LMBR1: variants seen among roughly 807,000 people sequenced by gnomAD.
LMBR1 encodes limb region 1 protein homolog.
LMBR1 carries 52 observed loss-of-function variants against 73.9 expected under a neutral mutation model. That is an observed-to-expected ratio of 0.70 (90% CI 0.56 to 0.89). LMBR1 has a LOEUF of 0.89. Among genes scored for constraint, LMBR1 ranks in the 40% least tolerant of loss-of-function variants. The pLI, the probability that LMBR1 is intolerant of heterozygous loss-of-function variation, is 0.00. For missense variants in LMBR1, 539 were observed against 579.8 expected (o/e 0.93, Z 0.72); for synonymous variants, 215 against 209.4 (o/e 1.03, Z -0.23).
Position 156,707,360 on chromosome 7 carries a change from G to A in LMBR1, c.1225+16752C>T, listed in dbSNP as rs60009529. Among the ~76,000 whole-genome samples, 917 of 152,278 alleles carry A rather than the reference G, an allele frequency of 6.0e-3. 21 individuals are homozygous for A. In the South Asian group the frequency reaches 0.079, roughly 13 times the overall value. ...GAAACTGTTCCCAAAAACTGAGGCG[G>A]AGGGAATTCTTCCTAAGTCATTCTA... On this transcript the variant is annotated intron_variant, in intron 15 of 16. Coordinates refer to ENST00000353442, the MANE Select transcript of LMBR1 (RefSeq NM_022458.4).
intron 1 of LMBR1, among the ~76,000 whole-genome samples, chr7:156,869,931 C>A (rs1291799045): frequency 6.6e-6 from 1 of 151,672 alleles, no homozygotes; most frequent in Non-Finnish European, 1.5e-5. Flanking sequence ...TTTTTGTTTA[C>A]AAAGGACAGA....
rs531053092 is a variant in LMBR1 at position 156,718,299 on chromosome 7, C to T, written c.1225+5813G>A. ...CCTGTAATCCCAGGTACTTGCGAGG[C>T]TGAGGCAGGAGAATCACTTGAACCC... On this transcript the variant is annotated intron_variant, in intron 15 of 16. Coordinates refer to ENST00000353442, the MANE Select transcript of LMBR1 (RefSeq NM_022458.4). Among the ~76,000 whole-genome samples, 8 of 151,566 alleles carry T rather than the reference C, an allele frequency of 5.3e-5. No homozygotes were observed. In the South Asian group the frequency reaches 1.3e-3, roughly 24 times the overall value.
At chr7:156,763,239 C>T (rs1403722979) in intron 6 of LMBR1, 63 bp from the exon 7 acceptor site, 1 of 695,740 alleles carries the variant, frequency 1.4e-6, no homozygotes, top group Non-Finnish European at 2.4e-6. Context: ...GATAGTCAGT[C>T]TATCTTACGA....
At chr7:156,675,990 A>T (rs1803888445), downstream of LMBR1, 2 of 968,746 alleles carry the variant, frequency 2.1e-6, no homozygotes, top group Non-Finnish European at 3.0e-6. Context: ...CCCGGGGTGC[A>T]GCCGTGGAGG....
At chr7:156,820,513 C>A (rs1834596249) in intron 4 of LMBR1, among the ~76,000 whole-genome samples, 1 of 152,098 alleles carries the variant, frequency 6.6e-6, no homozygotes, top group Non-Finnish European at 1.5e-5. Flanking sequence ...ATTGGTAAGA[C>A]ATTTGTGTGT....
chr7:156,707,811 A>C (rs923716005), intron 15 of LMBR1, among the ~76,000 whole-genome samples: 1 of 152,178 alleles, frequency 6.6e-6, no homozygotes, highest in African/African-American at 2.4e-5. Context: ...CTCCTATTCA[A>C]CAGAGTACTG....
intron 3 of LMBR1, among the ~76,000 whole-genome samples, chr7:156,827,421 A>G (rs1835888389): frequency 6.6e-6 from 1 of 152,106 alleles, no homozygotes; most frequent in Admixed American, 6.6e-5. Context: ...AATGTAAAAC[A>G]TGTTCTCCCC....
chr7:156,718,122 A>G (rs761225164), intron 15 of LMBR1, among the ~76,000 whole-genome samples: 172 of 152,298 alleles, frequency 1.1e-3, no homozygotes, highest in Non-Finnish European at 2.1e-3. Flanking sequence ...CAGCCTGGCT[A>G]GGCACGGTGG....
chr7:156,741,609 T>C (rs1212790029), intron 9 of LMBR1, among the ~76,000 whole-genome samples: 3 of 152,166 alleles, frequency 2.0e-5, no homozygotes, highest in South Asian at 2.1e-4. Flanking sequence ...GGTATAACAA[T>C]TGTAAAGATA....
At chr7:156,861,819 C>T (rs759853459) in intron 1 of LMBR1, among the ~76,000 whole-genome samples, 6 of 152,180 alleles carry the variant, frequency 3.9e-5, no homozygotes, top group Non-Finnish European at 8.8e-5. Context: ...CACCTTTGCT[C>T]CACTTCCCAA....
chr7:156,774,776 G>A (rs964830582), intron 5 of LMBR1, among the ~76,000 whole-genome samples: 23 of 152,124 alleles, frequency 1.5e-4, no homozygotes, highest in Admixed American at 4.6e-4. Flanking sequence ...AGGTTGCAGT[G>A]AGCCAAGATT....
At chr7:156,724,840 A>G (rs1212735497) in intron 14 of LMBR1, among the ~76,000 whole-genome samples, 2 of 151,894 alleles carry the variant, frequency 1.3e-5, no homozygotes, top group Non-Finnish European at 2.9e-5. Context: ...TAGGCTAAAA[A>G]TATAAAATAA....
chr7:156,856,194 C>CAATA (rs1437630645), intron 1 of LMBR1, among the ~76,000 whole-genome samples: 1 of 150,600 alleles, frequency 6.6e-6, no homozygotes, highest in Non-Finnish European at 1.5e-5. Context: ...GACTCTGTCT[C>CAATA]AATAAATAAA....
chr7:156,810,737 A>C (rs947468771), intron 4 of LMBR1, among the ~76,000 whole-genome samples: 1 of 152,006 alleles, frequency 6.6e-6, no homozygotes, highest in South Asian at 2.1e-4. Context: ...ATAAACATCC[A>C]AACTACAGCA....
At chr7:156,811,130 T>G (rs1205589969) in intron 4 of LMBR1, among the ~76,000 whole-genome samples, 1 of 152,166 alleles carries the variant, frequency 6.6e-6, no homozygotes, top group African/African-American at 2.4e-5. Context: ...AATAGTTTTC[T>G]ATTGCTATGT....
chr7:156,714,618 G>A (rs1014268354), intron 15 of LMBR1, among the ~76,000 whole-genome samples: 3 of 152,284 alleles, frequency 2.0e-5, no homozygotes, highest in Middle Eastern at 6.8e-3. Context: ...TTGGAGCAGG[G>A]AAATGACAAG....
At chr7:156,850,978 T>G (rs1191404625) in intron 1 of LMBR1, among the ~76,000 whole-genome samples, 1 of 152,120 alleles carries the variant, frequency 6.6e-6, no homozygotes, top group Non-Finnish European at 1.5e-5. Flanking sequence ...TTAAGGACTT[T>G]GGCACCTCCT....
At chr7:156,835,253 CAG>C (rs1164262407) in intron 2 of LMBR1, among the ~76,000 whole-genome samples, 3,052 of 152,336 alleles carry the variant, frequency 0.02, 106 homozygotes, top group African/African-American at 0.069. Flanking sequence ...CCATCTGCTT[CAG>C]TGTCAAGGGT....
chr7:156,851,235 C>T (rs2134077807), intron 1 of LMBR1, among the ~76,000 whole-genome samples: 1 of 152,240 alleles, frequency 6.6e-6, no homozygotes. Context: ...GAGAAGTAAA[C>T]AAAATTACCA....
Sources: allele counts gnomAD v4.1 joint callset (sites outside exome capture counted in the v4.1 genomes callset), GRCh38; gene constraint gnomAD v4.1.1; transcripts MANE v1.5; gene names NCBI Gene and HGNC (gene_info 2026-07-23, HGNC 2026-07-21).